FYTTD1: variants seen among roughly 807,000 people sequenced by gnomAD.
The protein encoded by FYTTD1 is forty-two-three domain containing 1.
In FYTTD1, 22 loss-of-function variants were observed where a neutral mutation model predicts 40.9. That is an observed-to-expected ratio of 0.54 (90% CI 0.38 to 0.77). The LOEUF (loss-of-function observed/expected upper bound fraction) is 0.77. Among genes scored for constraint, FYTTD1 ranks in the 30% least tolerant of loss-of-function variants. The pLI is 0.00. For missense variants in FYTTD1, 351 were observed against 392.2 expected (o/e 0.90, Z 0.89); for synonymous variants, 140 against 137.9 (o/e 1.01, Z -0.10).
rs1730144950 is a variant in FYTTD1, at chr3:197,786,001, G to A, written c.*4092G>A. 3 of 149,864 alleles carry A rather than the reference G, an allele frequency of 2.0e-5. No homozygotes were observed. In the South Asian group the frequency reaches 6.3e-4, roughly 31 times the overall value. 9.3% of individuals were successfully genotyped at this position (149,864 alleles called of 1,614,324 possible). A position where few individuals can be genotyped will look rare whatever the true frequency, so the allele number is the denominator to read the frequency against. On this transcript the variant is annotated 3_prime_UTR_variant, in exon 9 of 9. Transcript: ENST00000241502. The stretch of plus-strand genomic sequence containing the variant: ...ATTTACAACAAGAATTGTGGACTAT[G>A]GTGGACCATTAATAGGGATTTAAAG...
intron 6 of FYTTD1, among the ~76,000 whole-genome samples, chr3:197,776,621 A>G (rs1489267931): frequency 6.6e-6 from 1 of 152,050 alleles, no homozygotes; most frequent in East Asian, 1.9e-4. Context: ...TCTGGAGAGT[A>G]GGAATAGAAA....
intron 1 of FYTTD1, chr3:197,750,929 A>G (rs1001208510): frequency 4.5e-5 from 36 of 797,982 alleles, no homozygotes; most frequent in South Asian, 5.7e-5. Flanking sequence ...CCCTGACACT[A>G]CCGAGGCACC....
At chr3:197,772,500 C>T (rs867832096) in intron 4 of FYTTD1, among the ~76,000 whole-genome samples, 4 of 152,084 alleles carry the variant, frequency 2.6e-5, no homozygotes, top group African/African-American at 7.3e-5. Flanking sequence ...GAAACTTGCA[C>T]GTTCAGCACG....
At chr3:197,765,522 T>C (rs1324215306) in intron 2 of FYTTD1, among the ~76,000 whole-genome samples, 1 of 152,088 alleles carries the variant, frequency 6.6e-6, no homozygotes, top group Non-Finnish European at 1.5e-5. Context: ...TAGTTGCAAT[T>C]TTAGAAGGAA....
At chr3:197,761,924 A>T (rs113336796) in intron 2 of FYTTD1, among the ~76,000 whole-genome samples, 119 of 152,352 alleles carry the variant, frequency 7.8e-4, no homozygotes, top group Middle Eastern at 6.8e-3. Flanking sequence ...GGAGATTAGC[A>T]GTTCAAGGTC....
chr3:197,765,304 T>C (rs1729512644), intron 2 of FYTTD1, among the ~76,000 whole-genome samples: 1 of 152,160 alleles, frequency 6.6e-6, no homozygotes, highest in Non-Finnish European at 1.5e-5. Context: ...AACTCACTTA[T>C]TCTTTTGGAA....
In FYTTD1 at chr3:197,785,667, A is replaced by T. The variant is rs1265550702; in HGVS notation, c.*3758A>T. ...TACTGTAAATAGCTTTGTAATTCAC[A>T]CAAAGTATACGGGCCCAGAATAATT... On this transcript the variant is annotated 3_prime_UTR_variant, in exon 9 of 9. Coordinates refer to ENST00000241502, the MANE Select transcript of FYTTD1 (RefSeq NM_032288.7). 1 of 152,224 alleles carries T rather than the reference A, an allele frequency of 6.6e-6. No homozygotes were observed. The highest frequency in any genetic ancestry group is 2.1e-4 in the South Asian group (1 of 4,826). 9.4% of individuals were successfully genotyped at this position (152,224 alleles called of 1,614,324 possible).
rs1039731632 is a variant in FYTTD1, at chr3:197,780,087, A to G, written c.858+1623A>G. Reference sequence around the variant, plus strand: ...GCACACACACCACACCTGGGGATACAGGCACACACACCACCACACCTGGGG... The same window carrying G: ...GCACACACACCACACCTGGGGATACGGGCACACACACCACCACACCTGGGG... On this transcript the variant is annotated intron_variant, in intron 8 of 8. Transcript: ENST00000241502. Among the ~76,000 whole-genome samples the G allele has an allele frequency of 7.7e-5, 11 of 143,418 alleles. 1 individual carries two copies. The highest frequency in any genetic ancestry group is 1.7e-4 in the Non-Finnish European group (11 of 66,646). 94.1% of individuals were successfully genotyped at this position (143,418 alleles called of 152,430 possible).
chr3:197,780,063 C>T (rs113707997), intron 8 of FYTTD1, among the ~76,000 whole-genome samples: 4 of 136,934 alleles, frequency 2.9e-5, no homozygotes, highest in South Asian at 2.4e-4. Flanking sequence ...GGGATGCAGG[C>T]ACACACACCA....
intron 7 of FYTTD1, among the ~76,000 whole-genome samples, chr3:197,777,210 G>A (rs1397835955): frequency 6.6e-6 from 1 of 152,136 alleles, no homozygotes; most frequent in Non-Finnish European, 1.5e-5. Flanking sequence ...AAATGACCAC[G>A]TTGGAACAGT....
intron 1 of FYTTD1, chr3:197,755,609 CTAATTTATTTAT>C (rs1261579283): frequency 3.4e-4 from 69 of 205,194 alleles, no homozygotes; most frequent in Admixed American, 4.9e-4. Context: ...CCATACCCGG[CTAATTTATTTAT>C]TTATTTATTT....
At chr3:197,764,184 C>T (rs1729471196) in intron 2 of FYTTD1, among the ~76,000 whole-genome samples, 1 of 152,126 alleles carries the variant, frequency 6.6e-6, no homozygotes, top group Non-Finnish European at 1.5e-5. Context: ...AAGACTGTTG[C>T]ATTGGATGAA....
At chr3:197,749,801 C>G (rs1728931889), upstream of FYTTD1, 1 of 471,944 alleles carries the variant, frequency 2.1e-6, no homozygotes, top group South Asian at 3.1e-5. Context: ...CCGCTCTGGT[C>G]GCCCGCGAGT....
rs1167086448 is a variant in FYTTD1 at position 197,785,935 on chromosome 3, T to C, written c.*4026T>C. ...TTGGATAGATCAATTTGGAACTAGC[T>C]TCTTTTTTTTTTTTTTAAATGATAC... On this transcript the variant is annotated 3_prime_UTR_variant, in exon 9 of 9. Transcript: ENST00000241502. 6.6e-6 allele frequency: 1 copy of C among 150,930 alleles called. No homozygotes were observed. Among genetic ancestry groups the C allele is most frequent in the Admixed American group, 6.6e-5 (1 of 15,150 alleles). The allele number at this position is 150,930 out of a possible 1,614,324, so 9.3% of individuals were successfully genotyped here. A position where few individuals can be genotyped will look rare whatever the true frequency, so the allele number is the denominator to read the frequency against.
chr3:197,772,893 G>T (rs1729759120), intron 4 of FYTTD1, among the ~76,000 whole-genome samples: 1 of 152,196 alleles, frequency 6.6e-6, no homozygotes, highest in Non-Finnish European at 1.5e-5. Flanking sequence ...ACAGGTGTGA[G>T]CCATAATGCC....
chr3:197,762,422 C>G (rs1040304042), intron 2 of FYTTD1, among the ~76,000 whole-genome samples: 1 of 151,398 alleles, frequency 6.6e-6, no homozygotes, highest in Non-Finnish European at 1.5e-5. Context: ...AAGCTTGTCT[C>G]TACTAAAAAT....
Position 197,781,850 on chromosome 3 carries a change from G to A in FYTTD1, c.898G>A (p.Glu300Lys). The A allele has an allele frequency of 5.0e-6, 8 of 1,610,124 alleles. No individual in the cohort carries two copies. Among genetic ancestry groups the A allele is most frequent in the Non-Finnish European group, 5.9e-6 (7 of 1,177,558 alleles). Reference protein sequence around the residue: ...TLNERFGILKEQRATLTYNKG... With the variant: ...TLNERFGILKKQRATLTYNKG... ...GAATGAGCGGTTTGGGATCCTGAAG[G>A]AACAAAGAGCCACTCTCACATACAA... Residue 300 changes from glutamate (E) to lysine (K), a missense_variant, in exon 9 of 9, where the codon GAA becomes AAA. Coordinates refer to ENST00000241502, the MANE Select transcript of FYTTD1 (RefSeq NM_032288.7).
rs550183237 is a variant in FYTTD1 at position 197,774,015 on chromosome 3, T to C, written c.595-134T>C. 2.5e-4 allele frequency: 188 copies of C among 738,102 alleles called. 4 individuals are homozygous for C. Among genetic ancestry groups the C allele is most frequent in the South Asian group, 4.6e-4 (28 of 61,218 alleles). 45.7% of individuals were successfully genotyped at this position (738,102 alleles called of 1,614,324 possible). Reference sequence around the variant, plus strand: ...CACACGCCCCACTGGGTTAGGAAGTTGTAGAATAGCGCAGGCACCTCCGCT... The same window carrying C: ...CACACGCCCCACTGGGTTAGGAAGTCGTAGAATAGCGCAGGCACCTCCGCT... On this transcript the variant is annotated intron_variant, in intron 5 of 8. Coordinates refer to ENST00000241502, the MANE Select transcript of FYTTD1 (RefSeq NM_032288.7).
At chr3:197,768,137 A>G (rs1010384830) in intron 2 of FYTTD1, among the ~76,000 whole-genome samples, 4 of 152,232 alleles carry the variant, frequency 2.6e-5, no homozygotes, top group African/African-American at 9.7e-5. Context: ...AGTATCTACC[A>G]TAATGCACAG....
Sources: allele counts gnomAD v4.1 joint callset (sites outside exome capture counted in the v4.1 genomes callset), GRCh38; gene constraint gnomAD v4.1.1; transcripts MANE v1.5; gene names NCBI Gene and HGNC (gene_info 2026-07-23, HGNC 2026-07-21).